CAP2: variants seen among roughly 807,000 people sequenced by gnomAD.
CAP2 encodes adenylyl cyclase-associated protein 2.
CAP2 carries 24 observed loss-of-function variants against 57.7 expected under a neutral mutation model. The observed-to-expected ratio is 0.42, with a 90% CI of 0.30 to 0.58. The LOEUF (loss-of-function observed/expected upper bound fraction) is 0.58, where lower values mean the gene tolerates loss of function less well. CAP2 is among the 20% of genes least tolerant of loss of function. The pLI is 0.22. For missense variants in CAP2, 501 were observed against 590.3 expected (o/e 0.85, Z 1.57); for synonymous variants, 194 against 207.2 (o/e 0.94, Z 0.55).
intron 1 of CAP2, among the ~76,000 whole-genome samples, chr6:17,413,501 A>C (rs75934541): frequency 1.2e-4 from 18 of 152,262 alleles, no homozygotes; most frequent in African/African-American, 4.3e-4. Context: ...GTAGGGCAGG[A>C]AATGTTTTTT....
At chr6:17,415,701 G>T (rs952659234) in intron 1 of CAP2, among the ~76,000 whole-genome samples, 1 of 151,686 alleles carries the variant, frequency 6.6e-6, no homozygotes, top group African/African-American at 2.4e-5. Context: ...TCCTTGGGAG[G>T]CGAGGTGTAC....
intron 3 of CAP2, among the ~76,000 whole-genome samples, chr6:17,430,218 A>G (rs532909867): frequency 6.6e-6 from 1 of 152,328 alleles, no homozygotes; most frequent in East Asian, 1.9e-4. Context: ...TCTAATAGCT[A>G]CAATTAGGAA....
chr6:17,531,455 C>G (rs1762637658), intron 7 of CAP2: 1 of 1,526,950 alleles, frequency 6.5e-7, no homozygotes, highest in Non-Finnish European at 9.0e-7. Context: ...GTACATCTGC[C>G]TATATTCCTT....
rs1018553097 is a variant in CAP2 at position 17,557,591 on chromosome 6, C to G, written c.*1149C>G. ...ACAAGCATATATATTGTGCCTCTTA[C>G]AGCCTTTGGAATACATTGTTTCCAT... On this transcript the variant is annotated 3_prime_UTR_variant, in exon 13 of 13. Coordinates refer to ENST00000229922, the MANE Select transcript of CAP2 (RefSeq NM_006366.3). 5.3e-5 allele frequency: 8 copies of G among 152,124 alleles called. No individual in the cohort carries two copies. The highest frequency in any genetic ancestry group is 1.9e-4 in the African/African-American group (8 of 41,418). The allele number at this position is 152,124 out of a possible 1,614,324, so 9.4% of individuals were successfully genotyped here.
intron 3 of CAP2, among the ~76,000 whole-genome samples, chr6:17,437,118 T>C (rs1759914527): frequency 6.6e-6 from 1 of 152,186 alleles, no homozygotes; most frequent in Non-Finnish European, 1.5e-5. Context: ...ATTATTTCAT[T>C]ATATATTACA....
chr6:17,497,434 A>C (rs1761696611), intron 4 of CAP2, among the ~76,000 whole-genome samples: 1 of 152,248 alleles, frequency 6.6e-6, no homozygotes, highest in Non-Finnish European at 1.5e-5. Context: ...ATACAAAATG[A>C]GATTCTTCTT....
chr6:17,413,485 A>G (rs1381782592), intron 1 of CAP2, among the ~76,000 whole-genome samples: 2 of 152,188 alleles, frequency 1.3e-5, no homozygotes, highest in Admixed American at 6.5e-5. Flanking sequence ...GCCCCCTCAC[A>G]CTACAGTAGG....
chr6:17,418,650 G>A (rs1759350451), intron 1 of CAP2, among the ~76,000 whole-genome samples: 1 of 151,428 alleles, frequency 6.6e-6, no homozygotes, highest in Admixed American at 6.5e-5. Context: ...GGGAATAGAG[G>A]CTTGCTAACA....
intron 3 of CAP2, among the ~76,000 whole-genome samples, chr6:17,436,489 A>C (rs1379425102): frequency 1.3e-5 from 2 of 152,156 alleles, no homozygotes; most frequent in Non-Finnish European, 2.9e-5. Context: ...AGCTGTGAGC[A>C]GGCAGTCAGG....
intron 6 of CAP2, among the ~76,000 whole-genome samples, chr6:17,510,859 T>C (rs1407088400): frequency 6.6e-6 from 1 of 152,162 alleles, no homozygotes; most frequent in African/African-American, 2.4e-5. Flanking sequence ...TGGAGACTAT[T>C]TTAATTAGTA....
At chr6:17,447,283 A>C (rs577336084) in intron 3 of CAP2, among the ~76,000 whole-genome samples, 91 of 152,244 alleles carry the variant, frequency 6.0e-4, no homozygotes, top group Non-Finnish European at 9.1e-4. Context: ...GCCTCCCAAA[A>C]TACTGGCATT....
At chr6:17,544,770 G>A (rs1213816837) in intron 11 of CAP2, among the ~76,000 whole-genome samples, 1 of 152,124 alleles carries the variant, frequency 6.6e-6, no homozygotes, top group African/African-American at 2.4e-5. Context: ...GGGCAGGCTG[G>A]TCTCAAACTC....
chr6:17,554,439 T>C (rs1763247049), intron 12 of CAP2, among the ~76,000 whole-genome samples: 1 of 152,226 alleles, frequency 6.6e-6, no homozygotes, highest in African/African-American at 2.4e-5. Context: ...GGCTTGTCCT[T>C]ATACAGTGGG....
chr6:17,488,215 T>TA (rs1220786184), intron 4 of CAP2, among the ~76,000 whole-genome samples: 1 of 152,234 alleles, frequency 6.6e-6, no homozygotes, highest in Non-Finnish European at 1.5e-5. Flanking sequence ...ACCTGATTCT[T>TA]ACTCCATGCC....
At chr6:17,467,450 C>T (rs1417764353) in intron 4 of CAP2, among the ~76,000 whole-genome samples, 1 of 152,202 alleles carries the variant, frequency 6.6e-6, no homozygotes, top group Non-Finnish European at 1.5e-5. Flanking sequence ...ATAATAACCA[C>T]ATCACGGGGA....
At position 17,540,710 on chromosome 6, in the gene CAP2, C is replaced by T. The variant is rs572747469; in HGVS notation, c.827-263C>T. On this transcript the variant is annotated intron_variant, in intron 8 of 12. Coordinates refer to ENST00000229922, the MANE Select transcript of CAP2 (RefSeq NM_006366.3). ...CAGAGGTTGCAGTGAGCCGAGATCACGCCACTGCACTCCAGCCTAGGTGAC... is the reference window on the plus strand; with the variant it reads ...CAGAGGTTGCAGTGAGCCGAGATCATGCCACTGCACTCCAGCCTAGGTGAC... Among the ~76,000 whole-genome samples, 24 of 152,186 alleles carry T rather than the reference C, an allele frequency of 1.6e-4. No individual in the cohort carries two copies. In the East Asian group the frequency reaches 2.5e-3, roughly 16 times the overall value.
chr6:17,475,620 A>T (rs1378441583), intron 4 of CAP2, among the ~76,000 whole-genome samples: 1 of 152,294 alleles, frequency 6.6e-6, no homozygotes, highest in South Asian at 2.1e-4. Context: ...GCCTTCAATG[A>T]TTATAGAATA....
chr6:17,552,493 A>G (rs2113712609), intron 12 of CAP2, among the ~76,000 whole-genome samples: 1 of 152,300 alleles, frequency 6.6e-6, no homozygotes. Flanking sequence ...TACTAAAAAT[A>G]CAAAAATTAG....
intron 3 of CAP2, among the ~76,000 whole-genome samples, chr6:17,428,293 C>A (rs915436061): frequency 3.9e-5 from 6 of 152,064 alleles, no homozygotes; most frequent in Non-Finnish European, 4.4e-5. Flanking sequence ...GCATCATCTC[C>A]GGGGTTAGTC....
Sources: allele counts gnomAD v4.1 joint callset (sites outside exome capture counted in the v4.1 genomes callset), GRCh38; gene constraint gnomAD v4.1.1; transcripts MANE v1.5; gene names NCBI Gene and HGNC (gene_info 2026-07-23, HGNC 2026-07-21).